The following WDR49 variants were observed in gnomAD, a reference collection of about 807,000 sequenced individuals.
WDR49 encodes WD repeat domain 49.
A neutral mutation model predicts 119.5 loss-of-function variants in WDR49; 107 were observed. That is an observed-to-expected ratio of 0.90 (90% CI 0.77 to 1.05). The LOEUF is 1.05. Among genes scored for constraint, WDR49 ranks in the 50% least tolerant of loss-of-function variants. The pLI, the probability that WDR49 is intolerant of heterozygous loss-of-function variation, is 0.00. For missense variants in WDR49, 1,240 were observed against 1,220.5 expected (o/e 1.02, Z -0.24); for synonymous variants, 425 against 418.8 (o/e 1.01, Z -0.18).
intron 5 of WDR49, among the ~76,000 whole-genome samples, chr3:167,617,044 G>A (rs1429557858): frequency 1.3e-5 from 2 of 152,176 alleles, no homozygotes; most frequent in Non-Finnish European, 2.9e-5. Context: ...GGTTCGCAGG[G>A]TGGGCAGCAT....
intron 7 of WDR49, among the ~76,000 whole-genome samples, chr3:167,586,130 C>G (rs756202202): frequency 1.6e-4 from 24 of 152,070 alleles, no homozygotes; most frequent in Admixed American, 4.6e-4. Context: ...GAACCTCAAA[C>G]AAAGGATTAA....
In WDR49 at chr3:167,640,602, C is replaced by A. The variant is rs1398459247; in HGVS notation, c.165+12659G>T. Among the ~76,000 whole-genome samples, 3 of 151,828 alleles carry A rather than the reference C, an allele frequency of 2.0e-5. No individual in the cohort carries two copies. In the South Asian group the frequency reaches 6.2e-4, roughly 32 times the overall value. On this transcript the variant is annotated intron_variant, in intron 2 of 18. Coordinates refer to ENST00000682715, the MANE Select transcript of WDR49 (RefSeq NM_001366157.1). The stretch of plus-strand genomic sequence containing the variant: ...AAATGTACCAAGTTAATGTTTGGTG[C>A]CAAAATATCTTTGTTTGAGAAAATA...
intron 2 of WDR49, among the ~76,000 whole-genome samples, chr3:167,645,730 A>G (rs1428825130): frequency 6.6e-6 from 1 of 152,076 alleles, no homozygotes; most frequent in Non-Finnish European, 1.5e-5. Flanking sequence ...GTTCTCTCCT[A>G]CAGATATCTC....
chr3:167,547,316 C>T lies in WDR49; in HGVS notation c.1823+7334G>A, dbSNP rs1054569694. The stretch of plus-strand genomic sequence containing the variant: ...ATATCAATAGCTATTTATTGAGTTC[C>T]TACTTTCTACAGTGCTCTATGAAGG... On this transcript the variant is annotated intron_variant, in intron 10 of 18. Transcript: ENST00000682715. Among the ~76,000 whole-genome samples, 4 of 151,778 alleles carry T rather than the reference C, an allele frequency of 2.6e-5. No individual in the cohort carries two copies. The South Asian group carries it at 6.2e-4, about 24-fold the overall frequency.
chr3:167,567,889 T>C (rs890975630), intron 8 of WDR49, among the ~76,000 whole-genome samples: 3 of 152,196 alleles, frequency 2.0e-5, no homozygotes, highest in African/African-American at 7.2e-5. Context: ...GAAAAAAACA[T>C]TCTCATTGTC....
intron 2 of WDR49, among the ~76,000 whole-genome samples, chr3:167,645,286 C>G (rs1204735588): frequency 6.6e-6 from 1 of 152,124 alleles, no homozygotes; most frequent in South Asian, 2.1e-4. Flanking sequence ...TCTCAGCTCA[C>G]TGCAACCTTC....
intron 9 of WDR49, among the ~76,000 whole-genome samples, chr3:167,557,121 T>A (rs961854573): frequency 6.6e-6 from 1 of 152,022 alleles, no homozygotes; most frequent in African/African-American, 2.4e-5. Context: ...CACTTGAACC[T>A]GAGAGGCAGC....
intron 7 of WDR49, among the ~76,000 whole-genome samples, chr3:167,596,751 G>A (rs1214686958): frequency 6.7e-6 from 1 of 148,780 alleles, no homozygotes; most frequent in Non-Finnish European, 1.5e-5. Flanking sequence ...GGATAGCACT[G>A]GGAGATATAC....
In WDR49 at chr3:167,505,183, C is replaced by T. The variant is rs1751717773; in HGVS notation, c.2884+124G>A. On this transcript the variant is annotated intron_variant, in intron 17 of 18. Coordinates refer to ENST00000682715, the MANE Select transcript of WDR49 (RefSeq NM_001366157.1). ...TTTCTCCTTTGTTAAATGGGGTTCA[C>T]AGAACATTACATTCATGTTTATTAA... 21 of 1,200,968 alleles carry T rather than the reference C, an allele frequency of 1.7e-5. No individual in the cohort carries two copies. The East Asian group carries it at 7.0e-4, about 40-fold the overall frequency. 74.4% of individuals were successfully genotyped at this position (1,200,968 alleles called of 1,614,324 possible).
intron 9 of WDR49, among the ~76,000 whole-genome samples, chr3:167,557,483 TA>T (rs1713003363): frequency 6.6e-6 from 1 of 152,170 alleles, no homozygotes; most frequent in Admixed American, 6.5e-5. Context: ...AATGTAGCCA[TA>T]AAGAAGAATG....
chr3:167,596,061 A>G (rs2108300195), intron 7 of WDR49, among the ~76,000 whole-genome samples: 1 of 147,316 alleles, frequency 6.8e-6, no homozygotes, highest in South Asian at 2.2e-4. Flanking sequence ...TGGGCGAAGG[A>G]CATGAACAGA....
chr3:167,558,121 TAAAC>T (rs1211951212), intron 9 of WDR49, among the ~76,000 whole-genome samples: 1 of 151,892 alleles, frequency 6.6e-6, no homozygotes, highest in Non-Finnish European at 1.5e-5. Flanking sequence ...TGAACGAAAA[TAAAC>T]AAACAAATGG....
At chr3:167,550,319 T>A (rs867756941) in intron 10 of WDR49, among the ~76,000 whole-genome samples, 1 of 152,264 alleles carries the variant, frequency 6.6e-6, no homozygotes, top group Middle Eastern at 3.4e-3. Context: ...ATTCTTCCTA[T>A]CCATGAGCAT....
rs367576889 is a variant in WDR49 at position 167,620,517 on chromosome 3, G to A, written c.870C>T (p.Thr290=). The A allele has an allele frequency of 3.3e-6, 5 of 1,536,004 alleles. No individual in the cohort carries two copies. The South Asian group carries it at 3.6e-5, about 11-fold the overall frequency. The change falls in exon 5 of 19, where the codon ACC becomes ACT. Residue 290 remains threonine (T), a synonymous_variant. Transcript: ENST00000682715. ...CAGAGAGCAGCTCTGCCCAGTTAAT[G>A]GTCATAGTGGCTTCTCCATCTTCAC... ...SACEDGEATM[T]INWAELLSGC...
chr3:167,515,548 G>T (rs1577210005), intron 16 of WDR49, among the ~76,000 whole-genome samples: 1 of 152,086 alleles, frequency 6.6e-6, no homozygotes, highest in South Asian at 2.1e-4. Flanking sequence ...ATGGGCAAAA[G>T]CTGGAGGCAT....
intron 17 of WDR49, among the ~76,000 whole-genome samples, chr3:167,501,689 G>C (rs1207503266): frequency 6.6e-6 from 1 of 152,086 alleles, no homozygotes; most frequent in Non-Finnish European, 1.5e-5. Context: ...CTTCAGGAAG[G>C]ATTCTTATCT....
intron 18 of WDR49, among the ~76,000 whole-genome samples, chr3:167,481,279 T>A (rs1215947608): frequency 5.9e-5 from 9 of 151,936 alleles, no homozygotes; most frequent in Non-Finnish European, 7.4e-5. Context: ...AATTAAATTT[T>A]AAAAATTAAA....
Position 167,549,838 on chromosome 3 carries a change from A to T in WDR49, c.1823+4812T>A, listed in dbSNP as rs563792032. On this transcript the variant is annotated intron_variant, in intron 10 of 18. Coordinates refer to ENST00000682715, the MANE Select transcript of WDR49 (RefSeq NM_001366157.1). ...GTTTACGGTTTTAGGTCTAACATTT[A>T]AGTCTTTAATCCATCTTGAATTAAT... 5.6e-4 allele frequency among the ~76,000 whole-genome samples: 85 copies of T among 152,312 alleles called. 2 individuals are homozygous for T. Among genetic ancestry groups the T allele is most frequent in the Admixed American group, 4.9e-3 (75 of 15,288 alleles).
At chr3:167,516,936 C>A (rs927602462) in intron 16 of WDR49, among the ~76,000 whole-genome samples, 1 of 152,114 alleles carries the variant, frequency 6.6e-6, no homozygotes, top group African/African-American at 2.4e-5. Flanking sequence ...CAAAAGAAGA[C>A]ATTTATGCAG....
Sources: gnomAD v4.1 joint callset for allele counts (sites outside exome capture counted in the v4.1 genomes callset) on GRCh38, gnomAD v4.1.1 for gene constraint, MANE v1.5 for transcripts, NCBI Gene and HGNC (gene_info 2026-07-23, HGNC 2026-07-21) for gene names.